Variants in LMBR1 observed in about 807,000 individuals in gnomAD.
LMBR1 encodes limb region 1 protein homolog.
LMBR1 carries 52 observed loss-of-function variants against 73.9 expected under a neutral mutation model. The ratio of observed to expected loss-of-function variants is 0.70; its 90% CI spans 0.56 to 0.89. LMBR1 has a LOEUF of 0.89. Among genes scored for constraint, LMBR1 ranks in the 40% least tolerant of loss-of-function variants. The probability of loss-of-function intolerance (pLI) is 0.00; values close to 1 mark genes in which losing one functional copy is unlikely to be tolerated. For missense variants in LMBR1, 539 were observed against 579.8 expected, an observed-to-expected ratio of 0.93 and a Z score of 0.72; for synonymous variants, 215 against 209.4, an observed-to-expected ratio of 1.03 and a Z score of -0.23.
intron 8 of LMBR1, among the ~76,000 whole-genome samples, chr7:156,758,081 A>G (rs556567496): frequency 6.6e-6 from 1 of 152,352 alleles, no homozygotes; most frequent in South Asian, 2.1e-4. Context: ...GCCCTCTCCA[A>G]AGAGGGAACA....
chr7:156,834,454 T>C (rs891144735), intron 2 of LMBR1: 19 of 210,494 alleles, frequency 9.0e-5, no homozygotes, highest in Non-Finnish European at 5.9e-5. Context: ...ATTTTAAAAA[T>C]TAACTAGGCA....
rs998477326 is a variant in LMBR1, at chr7:156,684,641, C to T, written c.1388-478G>A. Among the ~76,000 whole-genome samples, 5 of 152,208 alleles carry T rather than the reference C, an allele frequency of 3.3e-5. 1 individual carries two copies. In the South Asian group the frequency reaches 6.2e-4, roughly 19 times the overall value. The stretch of plus-strand genomic sequence containing the variant: ...CAGGGAACCTAACCCGAGACAGATA[C>T]GTTCCCACTTGCATTTTAAAATGCA... On this transcript the variant is annotated intron_variant, in intron 16 of 16. Transcript: ENST00000353442.
In LMBR1 at chr7:156,707,340, T is replaced by C. The variant is rs566366264; in HGVS notation, c.1225+16772A>G. 9.2e-5 allele frequency among the ~76,000 whole-genome samples: 14 copies of C among 152,308 alleles called. No homozygotes were observed. In the South Asian group the frequency reaches 2.3e-3, roughly 25 times the overall value. On this transcript the variant is annotated intron_variant, in intron 15 of 16. Coordinates refer to ENST00000353442, the MANE Select transcript of LMBR1 (RefSeq NM_022458.4). Reference sequence around the variant, plus strand: ...GAACTAATACCAATCCTCCTGAAACTGTTCCCAAAAACTGAGGCGGAGGGA... The same window carrying C: ...GAACTAATACCAATCCTCCTGAAACCGTTCCCAAAAACTGAGGCGGAGGGA...
At chr7:156,875,961 G>A (rs1324408580) in intron 1 of LMBR1, among the ~76,000 whole-genome samples, 1 of 150,382 alleles carries the variant, frequency 6.6e-6, no homozygotes, top group Non-Finnish European at 1.5e-5. Flanking sequence ...GAATGGAATA[G>A]TACCTCAAAT....
At chr7:156,843,331 G>C (rs957785498) in intron 1 of LMBR1, among the ~76,000 whole-genome samples, 1 of 152,108 alleles carries the variant, frequency 6.6e-6, no homozygotes, top group Non-Finnish European at 1.5e-5. Context: ...TGAGTGAAGT[G>C]ACTGGCCATG....
At chr7:156,822,724 A>C (rs956876781) in intron 4 of LMBR1, 1 of 152,226 alleles carries the variant, frequency 6.6e-6, no homozygotes, top group Non-Finnish European at 1.5e-5. Flanking sequence ...TAAAAAATTG[A>C]AATGAAAAGC....
At chr7:156,825,431 C>G (rs1235125351) in intron 4 of LMBR1, among the ~76,000 whole-genome samples, 1 of 152,108 alleles carries the variant, frequency 6.6e-6, no homozygotes, top group African/African-American at 2.4e-5. Flanking sequence ...AATTCTAAAA[C>G]ATAATTACAA....
intron 15 of LMBR1, among the ~76,000 whole-genome samples, chr7:156,709,730 T>C (rs1811674551): frequency 6.6e-6 from 1 of 151,902 alleles, no homozygotes; most frequent in Non-Finnish European, 1.5e-5. Flanking sequence ...TTCCAGACCT[T>C]CCCAATGAAC....
intron 5 of LMBR1, among the ~76,000 whole-genome samples, chr7:156,775,715 G>T (rs1290855385): frequency 6.6e-6 from 1 of 152,082 alleles, no homozygotes; most frequent in Non-Finnish European, 1.5e-5. Context: ...GAATTTTTTA[G>T]AGTGGGTGTG....
intron 5 of LMBR1, among the ~76,000 whole-genome samples, chr7:156,781,032 T>G (rs1470227865): frequency 6.6e-6 from 1 of 152,218 alleles, no homozygotes; most frequent in Non-Finnish European, 1.5e-5. Context: ...TAAGGTCAAA[T>G]GCTCAGTCTT....
intron 5 of LMBR1, among the ~76,000 whole-genome samples, chr7:156,787,744 T>C (rs1828399989): frequency 6.6e-6 from 1 of 152,232 alleles, no homozygotes; most frequent in African/African-American, 2.4e-5. Flanking sequence ...TTGTCTATTT[T>C]CAATAAAGTC....
At position 156,734,207 on chromosome 7, in the gene LMBR1, C is replaced by T. The variant is rs751941457; in HGVS notation, c.808G>A (p.Glu270Lys). 6.2e-7 allele frequency: 1 copy of T among 1,609,268 alleles called. No homozygotes were observed. The highest frequency in any genetic ancestry group is 2.2e-5 in the East Asian group (1 of 44,760). Residue 270 changes from glutamate to lysine, a missense_variant, in exon 10 of 17, where the codon GAA becomes AAA. Glu to Lys is a moderately conservative substitution (Grantham distance 56). Around this residue, in one of 3 missense-constraint regions of LMBR1, gnomAD observed 454 missense variants for 473.4 expected, o/e 0.96. Transcript: ENST00000353442. ...TTTGTCTTAAGAGTCTTTACATTTT[C>T]AAGTTCTTGTTCCAACTCCATTATG... ...YNIMELEQELENVKTLKTKLE... is the reference protein window; with the variant it reads ...YNIMELEQELKNVKTLKTKLE...
At chr7:156,752,278 C>CTTTG (rs1421253769) in intron 9 of LMBR1, among the ~76,000 whole-genome samples, 4 of 152,186 alleles carry the variant, frequency 2.6e-5, no homozygotes, top group African/African-American at 9.7e-5. Context: ...CTCTTGTGAG[C>CTTTG]TTTGCCATAA....
chr7:156,724,086 A>C (rs1182708979), intron 15 of LMBR1, 26 bp downstream of exon 15: 7 of 1,576,040 alleles, frequency 4.4e-6, no homozygotes, highest in Non-Finnish European at 6.1e-6. Context: ...TGGATCTTTA[A>C]GTGAAAATTT....
At chr7:156,892,117 C>T (rs995362772) in intron 1 of LMBR1, among the ~76,000 whole-genome samples, 1 of 152,204 alleles carries the variant, frequency 6.6e-6, no homozygotes, top group African/African-American at 2.4e-5. Flanking sequence ...AGGTCAAGTC[C>T]GCTTCCTGAC....
chr7:156,728,790 ATC>A, intron 10 of LMBR1, 70 bp from the exon 11 acceptor site: 1 of 1,058,902 alleles, frequency 9.4e-7, no homozygotes. Context: ...TAATGCTATA[ATC>A]TGTTTTATAC....
intron 1 of LMBR1, among the ~76,000 whole-genome samples, chr7:156,885,423 C>T (rs762512723): frequency 7.9e-5 from 12 of 151,726 alleles, no homozygotes; most frequent in Non-Finnish European, 1.6e-4. Context: ...AAGAGGGGAG[C>T]TTAAGCCATA....
intron 15 of LMBR1, among the ~76,000 whole-genome samples, chr7:156,693,483 A>G (rs757747471): frequency 4.6e-5 from 7 of 152,162 alleles, no homozygotes; most frequent in Non-Finnish European, 1.0e-4. Flanking sequence ...AATGACACAA[A>G]TAAAAAGATC....
At chr7:156,766,125 C>A (rs1401088010) in intron 5 of LMBR1, among the ~76,000 whole-genome samples, 1 of 152,080 alleles carries the variant, frequency 6.6e-6, no homozygotes, top group Non-Finnish European at 1.5e-5. Context: ...GGGAGACAAT[C>A]TCCACGGCGC....
Sources: gnomAD v4.1 joint callset for allele counts (sites outside exome capture counted in the v4.1 genomes callset) on GRCh38, gnomAD v4.1.1 for gene constraint, gnomAD v4.1.1 regional missense constraint, MANE v1.5 for transcripts, NCBI Gene and HGNC (gene_info 2026-07-23, HGNC 2026-07-21) for gene names.